PRPF31: variants seen among roughly 807,000 people sequenced by gnomAD.
The protein encoded by PRPF31 is U4/U6 small nuclear ribonucleoprotein Prp31.
A neutral mutation model predicts 60.4 loss-of-function variants in PRPF31; 12 were observed. The observed-to-expected ratio is 0.20, with a 90% CI of 0.13 to 0.32. The LOEUF is 0.32. Ranked by LOEUF, PRPF31 falls within the 10% of genes least tolerant of loss-of-function variation. The probability of loss-of-function intolerance (pLI) is 1.00; values close to 1 mark genes in which losing one functional copy is unlikely to be tolerated. For synonymous variants in PRPF31, 287 were observed against 287.9 expected (o/e 1.00, Z 0.03); for missense variants, 431 against 687.1 (o/e 0.63, Z 4.17).
chr19:54,129,420 C>T, intron 13 of PRPF31, 50 bp downstream of exon 13: 1 of 1,535,236 alleles, frequency 6.5e-7, no homozygotes, highest in Non-Finnish European at 8.8e-7. Flanking sequence ...CTTGGCAAGG[C>T]CCCTTGCCCT....
At chr19:54,125,776 C>T (rs771745198) in intron 8 of PRPF31, among the ~76,000 whole-genome samples, 1 of 152,152 alleles carries the variant, frequency 6.6e-6, no homozygotes, top group Non-Finnish European at 1.5e-5. Context: ...GGCAGGTCAC[C>T]CCATCCTGGG....
Position 54,131,409 on chromosome 19 carries a change from A to G in PRPF31, c.1477A>G (p.Lys493Glu), listed in dbSNP as rs1172016815. The G allele has an allele frequency of 6.2e-7, 1 of 1,614,110 alleles. No homozygotes were observed. Among genetic ancestry groups the G allele is most frequent in the Non-Finnish European group, 8.5e-7 (1 of 1,180,026 alleles). ...TGAGTTCCTCAAGGTCAAGGGCGAG[A>G]AGAGTGGCCTTATGTCCACCTGAAT... ...MAEFLKVKGEKSGLMST is the reference protein window; with the variant it reads ...MAEFLKVKGEESGLMST Residue 493 changes from lysine (K) to glutamate (E), a missense_variant, in exon 14 of 14, where the codon AAG becomes GAG. Lys to Glu is a moderately conservative substitution (Grantham distance 56). Around this residue, in one of 4 missense-constraint regions of PRPF31, gnomAD observed 314 missense variants for 475.3 expected, o/e 0.66. Transcript: ENST00000321030.
Position 54,124,512 on chromosome 19 carries a change from C to T in PRPF31, c.711C>T (p.Gly237=). ...TAAKIMGVAG[G]LTNLSKMPAC... is the part of the protein sequence containing the mutation. ...CTCCCACCGCAGGTGTGGCCGGCGG[C>T]CTGACCAACCTCTCCAAGATGCCCG... Residue 237 remains glycine (G), a synonymous_variant, in exon 8 of 14, where the codon GGC becomes GGT. Transcript: ENST00000321030. 3 of 1,603,122 alleles carry T rather than the reference C, an allele frequency of 1.9e-6. No individual in the cohort carries two copies. The highest frequency in any genetic ancestry group is 2.5e-6 in the Non-Finnish European group (3 of 1,176,556).
chr19:54,122,886 C>T, intron 5 of PRPF31: 1 of 558,904 alleles, frequency 1.8e-6, no homozygotes, highest in Non-Finnish European at 3.2e-6. Context: ...TGACACAGGG[C>T]AGGCACACGG....
chr19:54,124,374 A>T, intron 7 of PRPF31, 125 bp from the exon 8 acceptor site: 1 of 951,658 alleles, frequency 1.1e-6, no homozygotes, highest in Non-Finnish European at 1.7e-6. Flanking sequence ...AGGGCCATCG[A>T]GGAATCCAAC....
At position 54,129,033 on chromosome 19, in the gene PRPF31, C is replaced by A. The variant is rs1230972598; in HGVS notation, c.1147-24C>A. ...AGGGCAGGGCCTGGTCGCTGAACTG[C>A]AGGGCGCCTCCTCTCCCCCCTAGAT... On this transcript the variant is annotated intron_variant, in intron 11 of 13. Transcript: ENST00000321030. 5 of 1,560,806 alleles carry A rather than the reference C, an allele frequency of 3.2e-6. No homozygotes were observed. In the East Asian group the frequency reaches 9.3e-5, roughly 29 times the overall value.
At chr19:54,128,508 C>CA (rs1444274649) in intron 11 of PRPF31, 131 bp downstream of exon 11, 83 of 943,116 alleles carry the variant, frequency 8.8e-5, no homozygotes, top group Middle Eastern at 3.2e-4. Context: ...AGCCTCCCCC[C>CA]CCCCGGCCTC....
intron 8 of PRPF31, among the ~76,000 whole-genome samples, chr19:54,125,656 G>A (rs1287690748): frequency 6.6e-6 from 1 of 152,160 alleles, no homozygotes; most frequent in Non-Finnish European, 1.5e-5. Flanking sequence ...GGCCAAGGCT[G>A]GGCAGGCACT....
At chr19:54,120,996 C>A (rs182694503) in intron 3 of PRPF31, among the ~76,000 whole-genome samples, 1 of 152,084 alleles carries the variant, frequency 6.6e-6, no homozygotes, top group Non-Finnish European at 1.5e-5. Context: ...GCAGCACATG[C>A]AGAGGCCAGG....
intron 3 of PRPF31, chr19:54,119,656 C>T (rs1214794661): frequency 1.3e-5 from 2 of 152,038 alleles, no homozygotes; most frequent in Non-Finnish European, 2.9e-5. Context: ...AACACCATGC[C>T]TGGCTATTTT....
At chr19:54,122,034 C>T in intron 4 of PRPF31, 91 bp downstream of exon 4, 2 of 1,346,176 alleles carry the variant, frequency 1.5e-6, no homozygotes, top group South Asian at 1.2e-5. Context: ...GGGTCCTGCC[C>T]CTAAGCCCAA....
At chr19:54,117,440 C>G (rs1442856412) in intron 1 of PRPF31, among the ~76,000 whole-genome samples, 1 of 152,118 alleles carries the variant, frequency 6.6e-6, no homozygotes, top group Non-Finnish European at 1.5e-5. Flanking sequence ...GAGTCACGGG[C>G]CACCTGGAGC....
intron 11 of PRPF31, 111 bp from the exon 12 acceptor site, chr19:54,128,946 G>C: frequency 1.7e-6 from 2 of 1,149,298 alleles, no homozygotes; most frequent in Middle Eastern, 2.7e-4. Context: ...AGGTGCCCGT[G>C]GGACCGGCCG....
intron 8 of PRPF31, 113 bp from the exon 9 acceptor site, chr19:54,126,415 G>T: frequency 1.0e-6 from 1 of 962,458 alleles, no homozygotes; most frequent in Non-Finnish European, 1.6e-6. Context: ...AGGGTGGAAA[G>T]CCCCCTTCCA....
At chr19:54,120,678 C>T (rs2073763507) in intron 3 of PRPF31, among the ~76,000 whole-genome samples, 1 of 152,164 alleles carries the variant, frequency 6.6e-6, no homozygotes, top group Non-Finnish European at 1.5e-5. Context: ...TGGCACGATC[C>T]CAGCTCACTG....
At position 54,126,416 on chromosome 19, in the gene PRPF31, C is replaced by T. The variant is rs1380553381; in HGVS notation, c.856-112C>T. On this transcript the variant is annotated intron_variant, in intron 8 of 13. Coordinates refer to ENST00000321030, the MANE Select transcript of PRPF31 (RefSeq NM_015629.4). ...ACCTCTAGAGCCCAAGGGTGGAAAGCCCCCTTCCAGGACCCCAGGTAGAGC... is the reference window on the plus strand; with the variant it reads ...ACCTCTAGAGCCCAAGGGTGGAAAGTCCCCTTCCAGGACCCCAGGTAGAGC... 20 of 984,756 alleles carry T rather than the reference C, an allele frequency of 2.0e-5. No individual in the cohort carries two copies. The East Asian group carries it at 3.9e-4, about 19-fold the overall frequency. The allele number at this position is 984,756 out of a possible 1,614,324, so 61.0% of individuals were successfully genotyped here.
chr19:54,119,610 C>T (rs1337472566), intron 3 of PRPF31: 1 of 151,972 alleles, frequency 6.6e-6, no homozygotes, highest in African/African-American at 2.4e-5. Flanking sequence ...GATTCTCCTC[C>T]CTCAGCCTTA....
At chr19:54,127,538 A>T (rs183751422) in intron 9 of PRPF31, among the ~76,000 whole-genome samples, 2 of 152,184 alleles carry the variant, frequency 1.3e-5, no homozygotes, top group African/African-American at 4.8e-5. Context: ...GAATTAGAAC[A>T]TGGGCCTCTT....
chr19:54,124,366 G>A (rs2073867423), intron 7 of PRPF31, 133 bp from the exon 8 acceptor site: 3 of 904,850 alleles, frequency 3.3e-6, no homozygotes, highest in Non-Finnish European at 5.3e-6. Context: ...CGCCTGGCAG[G>A]GCCATCGAGG....
Sources: gnomAD v4.1 joint callset for allele counts (sites outside exome capture counted in the v4.1 genomes callset) on GRCh38, gnomAD v4.1.1 for gene constraint, gnomAD v4.1.1 regional missense constraint, MANE v1.5 for transcripts, NCBI Gene and HGNC (gene_info 2026-07-23, HGNC 2026-07-21) for gene names.